The following SAMD5 variants were observed in gnomAD, a reference collection of about 807,000 sequenced individuals.
The protein encoded by SAMD5 is sterile alpha motif domain-containing protein 5.
Under a neutral mutation model 11.3 loss-of-function variants are expected in SAMD5, and 13 were observed. The observed-to-expected ratio is 1.15, with a 90% CI of 0.75 to 1.83. SAMD5 has a LOEUF of 1.83. Among genes scored for constraint, SAMD5 ranks in the 40% most tolerant of loss-of-function variants. The pLI is 0.00. For missense variants in SAMD5, 255 were observed against 239.1 expected, an observed-to-expected ratio of 1.07 and a Z score of -0.44; for synonymous variants, 129 against 111.3, an observed-to-expected ratio of 1.16 and a Z score of -1.00.
chr6:147,795,892 C>T, the SAMD5 span, among the ~76,000 whole-genome samples: 45 of 152,198 alleles, frequency 3.0e-4, no homozygotes, highest in East Asian at 2.9e-3. Flanking sequence ...TCATATCCTT[C>T]GCCCACTCTT....
chr6:147,828,818 G>A, the SAMD5 span, among the ~76,000 whole-genome samples: 1 of 152,182 alleles, frequency 6.6e-6, no homozygotes, highest in East Asian at 1.9e-4. Flanking sequence ...GAGATTTTGT[G>A]CAATTTGGGC....
At chr6:147,875,741 G>A in the SAMD5 span, among the ~76,000 whole-genome samples, 938 of 152,220 alleles carry the variant, frequency 6.2e-3, 13 homozygotes, top group East Asian at 0.026. Flanking sequence ...TGTGAACTGC[G>A]CAGGAGAGGG....
chr6:147,886,186 A>G, the SAMD5 span, among the ~76,000 whole-genome samples: 6 of 152,164 alleles, frequency 3.9e-5, no homozygotes, highest in African/African-American at 1.4e-4. Context: ...GTATCACCAT[A>G]TTAAGGGATT....
At position 147,684,953 on chromosome 6, in the gene SAMD5, T is replaced by C. The variant is rs147237024; in HGVS notation, c.163-52364T>C. 2.8e-4 allele frequency among the ~76,000 whole-genome samples: 43 copies of C among 152,352 alleles called. No homozygotes were observed. The East Asian group carries it at 6.6e-3, about 23-fold the overall frequency. ...CTAAATCTTATTTAGTTCACTGTAA[T>C]TTAAAGCAGTGGGAATTTGAGAATT... On this transcript the variant is annotated intron_variant, in intron 1 of 1. Transcript: ENST00000566741.
the SAMD5 span, among the ~76,000 whole-genome samples, chr6:147,880,451 C>T: frequency 6.6e-6 from 1 of 152,112 alleles, no homozygotes; most frequent in Non-Finnish European, 1.5e-5. Context: ...TGGGTAAAAA[C>T]ATCTGATAAA....
chr6:147,911,705 CT>C, the SAMD5 span, among the ~76,000 whole-genome samples: 1 of 152,240 alleles, frequency 6.6e-6, no homozygotes, highest in Non-Finnish European at 1.5e-5. Flanking sequence ...TTATCTATTG[CT>C]GTTTTAGAAA....
chr6:147,908,620 A>G, the SAMD5 span, among the ~76,000 whole-genome samples: 1 of 152,306 alleles, frequency 6.6e-6, no homozygotes, highest in East Asian at 1.9e-4. Flanking sequence ...GAGAACAACT[A>G]TATGTTGCAT....
chr6:147,556,573 GCAGTGTTCT>G (rs2128443635), intron 1 of SAMD5, among the ~76,000 whole-genome samples: 1 of 152,264 alleles, frequency 6.6e-6, no homozygotes, highest in African/African-American at 2.4e-5. Context: ...ATACAACATT[GCAGTGTTCT>G]CAAGTGGAGG....
At chr6:147,579,454 A>ATT (rs3031353) in intron 1 of SAMD5, among the ~76,000 whole-genome samples, 1,273 of 76,962 alleles carry the variant, frequency 0.017, 114 homozygotes, top group African/African-American at 0.061. Flanking sequence ...CAGGCTTTGA[A>ATT]TTTTTTTTTT....
intron 1 of SAMD5, among the ~76,000 whole-genome samples, chr6:147,587,150 A>C (rs1196424262): frequency 1.3e-5 from 2 of 152,140 alleles, no homozygotes; most frequent in African/African-American, 2.4e-5. Flanking sequence ...GGTAAGGACC[A>C]TGTCTTTCTC....
intron 1 of SAMD5, among the ~76,000 whole-genome samples, chr6:147,542,838 G>A (rs549838462): frequency 6.6e-6 from 1 of 152,154 alleles, no homozygotes; most frequent in East Asian, 1.9e-4. Context: ...CATGAAGGAG[G>A]TCTGCTTGGG....
Position 147,567,997 on chromosome 6 carries a change from G to T in SAMD5, c.*3541G>T. On this transcript the variant is annotated 3_prime_UTR_variant, in exon 2 of 2. Transcript: ENST00000367474. ...TCAAGTCTGGGGAAATAGGCACATG[G>T]ACAGATTATATGAAGGTATTTCATT... 1.0e-6 allele frequency: 1 copy of T among 985,462 alleles called. No homozygotes were observed. The highest frequency in any genetic ancestry group is 1.2e-6 in the Non-Finnish European group (1 of 829,988). 61.0% of individuals were successfully genotyped at this position (985,462 alleles called of 1,614,324 possible).
intron 1 of SAMD5, among the ~76,000 whole-genome samples, chr6:147,691,077 AC>A (rs984147526): frequency 6.7e-6 from 1 of 149,820 alleles, no homozygotes; most frequent in Non-Finnish European, 1.5e-5. Context: ...TTACTGCAAC[AC>A]CCCCCTCCCG....
the SAMD5 span, among the ~76,000 whole-genome samples, chr6:147,887,721 C>A: frequency 1.3e-5 from 2 of 152,072 alleles, no homozygotes; most frequent in Non-Finnish European, 2.9e-5. Context: ...TCATATGGTA[C>A]CTATGTTTAA....
At chr6:147,646,038 C>A (rs914810754) in intron 1 of SAMD5, among the ~76,000 whole-genome samples, 2 of 112,334 alleles carry the variant, frequency 1.8e-5, no homozygotes, top group Non-Finnish European at 3.5e-5. Context: ...ATCTATCTAT[C>A]TATCTATCTA....
At chr6:147,916,803 G>A in the SAMD5 span, among the ~76,000 whole-genome samples, 31 of 146,636 alleles carry the variant, frequency 2.1e-4, no homozygotes, top group African/African-American at 7.6e-4. Flanking sequence ...GAGAATATAC[G>A]GTGTTTGGTT....
chr6:147,922,451 C>T, the SAMD5 span, among the ~76,000 whole-genome samples: 1 of 152,254 alleles, frequency 6.6e-6, no homozygotes, highest in South Asian at 2.1e-4. Flanking sequence ...AAAAATTTCT[C>T]TTGTTTTAAA....
intron 1 of SAMD5, among the ~76,000 whole-genome samples, chr6:147,717,168 T>C (rs2128458934): frequency 6.6e-6 from 1 of 152,340 alleles, no homozygotes; most frequent in Admixed American, 6.5e-5. Context: ...ATACAGTACC[T>C]AGGCTAAAGT....
the SAMD5 span, among the ~76,000 whole-genome samples, chr6:147,753,693 C>T: frequency 2.0e-5 from 3 of 151,994 alleles, no homozygotes; most frequent in Non-Finnish European, 2.9e-5. Flanking sequence ...CCATCCCCAC[C>T]TTCCCCCCAG....
Sources: allele counts gnomAD v4.1 joint callset (sites outside exome capture counted in the v4.1 genomes callset), GRCh38; gene constraint gnomAD v4.1.1; transcripts MANE v1.5; gene names NCBI Gene and HGNC (gene_info 2026-07-23, HGNC 2026-07-21).